MID1: variants seen among roughly 807,000 people sequenced by gnomAD.
The protein encoded by MID1 is E3 ubiquitin-protein ligase Midline-1.
A neutral mutation model predicts 40.4 loss-of-function variants in MID1; 7 were observed. The ratio of observed to expected loss-of-function variants is 0.17; its 90% CI spans 0.10 to 0.33. The LOEUF (loss-of-function observed/expected upper bound fraction) is 0.33. MID1 is among the 10% of genes least tolerant of loss of function. MID1 has a pLI of 1.00. For synonymous variants in MID1, 229 were observed against 221.2 expected (o/e 1.04, Z -0.31); for missense variants, 367 against 558.5 (o/e 0.66, Z 3.46).
chrX:10,662,024 G>A (rs1212717539), intron 1 of MID1, among the ~76,000 whole-genome samples: 2 of 111,683 alleles, frequency 1.8e-5, no homozygotes, highest in African/African-American at 6.5e-5. Flanking sequence ...AACTCTTTTG[G>A]CTCGGTGTGG....
chrX:10,576,530 A>C (rs182260405), intron 1 of MID1, among the ~76,000 whole-genome samples: 127 of 111,169 alleles, frequency 1.1e-3, no homozygotes, highest in Non-Finnish European at 2.1e-3. Flanking sequence ...CTCCTTCTCG[A>C]GGTTCATTTA....
intron 1 of MID1, among the ~76,000 whole-genome samples, chrX:10,753,311 A>G (rs1306459870): frequency 9.0e-6 from 1 of 111,074 alleles, no homozygotes. Context: ...GTGGCCAACC[A>G]TATTATTCCA....
At chrX:10,601,863 G>A (rs1935527909) in intron 1 of MID1, among the ~76,000 whole-genome samples, 1 of 109,771 alleles carries the variant, frequency 9.1e-6, no homozygotes, top group Non-Finnish European at 1.9e-5. Context: ...TCCCTTTGGC[G>A]AAATGGAATT....
chrX:10,703,538 G>A (rs760547348), intron 1 of MID1, among the ~76,000 whole-genome samples: 52 of 110,781 alleles, frequency 4.7e-4, no homozygotes, highest in African/African-American at 1.4e-3. Context: ...GCGGTGGTGC[G>A]CACCCATAGT....
intron 5 of MID1, among the ~76,000 whole-genome samples, chrX:10,480,771 T>C (rs1930274620): frequency 1.8e-5 from 2 of 111,509 alleles, no homozygotes; most frequent in South Asian, 7.6e-4. Flanking sequence ...GAGATAAGTA[T>C]CTAATCAGCT....
downstream of MID1, chrX:10,445,335 T>G (rs1446083047): frequency 8.9e-6 from 1 of 112,417 alleles, no homozygotes; most frequent in Non-Finnish European, 1.9e-5. Flanking sequence ...TTTCTTTTAT[T>G]GTGTTTTAAA....
intron 2 of MID1, among the ~76,000 whole-genome samples, chrX:10,524,876 C>G (rs1445634880): frequency 8.9e-6 from 1 of 111,971 alleles, no homozygotes; most frequent in Non-Finnish European, 1.9e-5. Context: ...GTGGAAGAAT[C>G]TTCCATGGGC....
chrX:10,513,973 T>A (rs1192468860), intron 3 of MID1, among the ~76,000 whole-genome samples: 1 of 112,341 alleles, frequency 8.9e-6, no homozygotes, highest in African/African-American at 3.2e-5. Context: ...AATTCTTGTA[T>A]TGTGTGGAGG....
chrX:10,602,099 A>G (rs1221875624), intron 1 of MID1, among the ~76,000 whole-genome samples: 2 of 106,615 alleles, frequency 1.9e-5, no homozygotes, highest in Admixed American at 1.0e-4. Context: ...GGGTTTCACC[A>G]TGTTAGCCAG....
At chrX:10,481,632 G>T (rs766376064) in intron 5 of MID1, among the ~76,000 whole-genome samples, 22 of 110,146 alleles carry the variant, frequency 2.0e-4, no homozygotes, top group Admixed American at 3.9e-4. Flanking sequence ...TTTTAGCAGG[G>T]ACCAGGTTTC....
At chrX:10,554,253 T>A (rs1934035422) in intron 2 of MID1, among the ~76,000 whole-genome samples, 1 of 112,551 alleles carries the variant, frequency 8.9e-6, no homozygotes, top group Non-Finnish European at 1.9e-5. Context: ...CAAATAATAC[T>A]TGAAAGTGCT....
chrX:10,482,518 A>G lies in MID1; in HGVS notation c.975T>C (p.His325=), dbSNP rs780525074. Residue 325 remains histidine (H), a synonymous_variant, in exon 5 of 10, where the codon CAT becomes CAC. Transcript: ENST00000317552. ...QAEHSLKEND[H]ARFLQTAKNI... ...TCTTAGCAGTCTGTAGGAAACGCGCATGATCATTCTCCTTCAGAGAGTGTT... is the reference window on the plus strand; with the variant it reads ...TCTTAGCAGTCTGTAGGAAACGCGCGTGATCATTCTCCTTCAGAGAGTGTT... The G allele has an allele frequency of 8.3e-7, 1 of 1,211,313 alleles. No individual in the cohort carries two copies. The highest frequency in any genetic ancestry group is 1.8e-5 in the South Asian group (1 of 56,957).
chrX:10,566,101 C>T (rs1039781415), intron 2 of MID1, among the ~76,000 whole-genome samples: 16 of 111,414 alleles, frequency 1.4e-4, no homozygotes, highest in African/African-American at 4.6e-4. Context: ...TGAGCCACCA[C>T]GCCCTGCCTA....
At chrX:10,716,576 C>T (rs944496633) in intron 1 of MID1, among the ~76,000 whole-genome samples, 11 of 111,848 alleles carry the variant, frequency 9.8e-5, no homozygotes, top group Non-Finnish European at 1.7e-4. Flanking sequence ...GATTGGTGTA[C>T]CTGAAAGTGA....
chrX:10,494,432 T>A (rs1741299667), intron 4 of MID1, among the ~76,000 whole-genome samples: 1 of 111,446 alleles, frequency 9.0e-6, no homozygotes, highest in Non-Finnish European at 1.9e-5. Context: ...GATGAATTTA[T>A]TGGATCATAA....
At chrX:10,450,828 T>G (rs1041914581) in intron 9 of MID1, among the ~76,000 whole-genome samples, 8 of 112,184 alleles carry the variant, frequency 7.1e-5, no homozygotes, top group African/African-American at 2.6e-4. Flanking sequence ...CTCTGTAATA[T>G]TCATCGTATT....
At chrX:10,637,540 G>T (rs748037320) in intron 1 of MID1, among the ~76,000 whole-genome samples, 1 of 108,467 alleles carries the variant, frequency 9.2e-6, no homozygotes, top group Admixed American at 9.9e-5. Context: ...CAGGACAATC[G>T]CTTGAACCCA....
At chrX:10,474,553 A>T in intron 6 of MID1, 70 bp downstream of exon 6, 5 of 1,091,647 alleles carry the variant, frequency 4.6e-6, no homozygotes, top group Non-Finnish European at 6.3e-6. Flanking sequence ...TTGGGGAATA[A>T]CTGATCTGGT....
At chrX:10,781,386 T>C (rs2043844667) in intron 1 of MID1, among the ~76,000 whole-genome samples, 1 of 111,916 alleles carries the variant, frequency 8.9e-6, no homozygotes, top group Non-Finnish European at 1.9e-5. Flanking sequence ...CTTAAGATGG[T>C]GACCTCAAAG....
Sources: gnomAD v4.1 joint callset for allele counts (sites outside exome capture counted in the v4.1 genomes callset) on GRCh38, gnomAD v4.1.1 for gene constraint, MANE v1.5 for transcripts, NCBI Gene and HGNC (gene_info 2026-07-23, HGNC 2026-07-21) for gene names.